CHRNB3: variants seen among roughly 807,000 people sequenced by gnomAD.
CHRNB3 encodes the protein cholinergic receptor nicotinic beta 3 subunit.
In CHRNB3, 37 loss-of-function variants were observed where a neutral mutation model predicts 40.6. The observed-to-expected ratio is 0.91, with a 90% confidence interval of 0.70 to 1.20. The LOEUF is 1.20. CHRNB3 is among the 50% of genes most tolerant of loss of function. The pLI, the probability that CHRNB3 is intolerant of heterozygous loss-of-function variation, is 0.00. For missense variants in CHRNB3, 505 were observed against 551.2 expected (o/e 0.92, Z 0.84); for synonymous variants, 207 against 207.1 (o/e 1.00, Z 0.00).
chr8:42,732,037 T>G lies in CHRNB3; in HGVS notation c.730T>G (p.Cys244Gly), dbSNP rs1816434784. ...CTATACCCTCTTTCTCATCATCCCC[T>G]GCCTGGGGCTGTCTTTCCTAACAGT... ...LFYTLFLIIP[C>G]LGLSFLTVLV... The change falls in exon 5 of 6, where the codon TGC becomes GGC. Residue 244 changes from cysteine (C) to glycine (G), a missense_variant. Transcript: ENST00000289957. 6.2e-7 allele frequency: 1 copy of G among 1,614,036 alleles called. No homozygotes were observed. Among genetic ancestry groups the G allele is most frequent in the South Asian group, 1.1e-5 (1 of 91,080 alleles).
At chr8:42,728,746 A>G (rs1241573578) in intron 3 of CHRNB3, among the ~76,000 whole-genome samples, 1 of 152,156 alleles carries the variant, frequency 6.6e-6, no homozygotes, top group Non-Finnish European at 1.5e-5. Flanking sequence ...ATTTTGGGCA[A>G]AAAAACTGTT....
At chr8:42,720,691 T>A (rs542206212) in intron 3 of CHRNB3, among the ~76,000 whole-genome samples, 17 of 152,262 alleles carry the variant, frequency 1.1e-4, no homozygotes, top group African/African-American at 4.1e-4. Context: ...ACTATCTCTG[T>A]TTTATCTCTG....
intron 1 of CHRNB3, among the ~76,000 whole-genome samples, chr8:42,702,584 G>A (rs1200857380): frequency 6.6e-6 from 1 of 152,074 alleles, no homozygotes; most frequent in Admixed American, 6.6e-5. Flanking sequence ...CCAACATATT[G>A]AAACCCTGTC....
At chr8:42,721,101 C>T (rs557072721) in intron 3 of CHRNB3, among the ~76,000 whole-genome samples, 2 of 152,348 alleles carry the variant, frequency 1.3e-5, no homozygotes, top group Admixed American at 6.5e-5. Flanking sequence ...GTGCCTGTCC[C>T]CAGTGCTCTT....
At chr8:42,713,362 A>G (rs1464363480) in intron 3 of CHRNB3, among the ~76,000 whole-genome samples, 1 of 152,036 alleles carries the variant, frequency 6.6e-6, no homozygotes, top group Non-Finnish European at 1.5e-5. Context: ...CCAGAATCCC[A>G]GAAGACTGGT....
At chr8:42,709,496 A>C (rs1302812437) in intron 2 of CHRNB3, among the ~76,000 whole-genome samples, 1 of 152,162 alleles carries the variant, frequency 6.6e-6, no homozygotes, top group Non-Finnish European at 1.5e-5. Context: ...TATGTTGTCC[A>C]TATTCTCCAC....
At chr8:42,705,801 A>G (rs951641065) in intron 1 of CHRNB3, 3 of 152,222 alleles carry the variant, frequency 2.0e-5, no homozygotes, top group Non-Finnish European at 4.4e-5. Flanking sequence ...CTCTTGAGCA[A>G]TTCACCTCTG....
chr8:42,718,242 A>C (rs576899797), intron 3 of CHRNB3, among the ~76,000 whole-genome samples: 9 of 152,140 alleles, frequency 5.9e-5, no homozygotes, highest in Non-Finnish European at 1.0e-4. Flanking sequence ...ATGAATCAAC[A>C]AGAATTTGGC....
intron 3 of CHRNB3, among the ~76,000 whole-genome samples, chr8:42,712,859 C>CT (rs567650103): frequency 0.55 from 62,596 of 114,714 alleles, 20,918 homozygotes; most frequent in East Asian, 0.8. Context: ...CCACTGCTCT[C>CT]TTTTTTTTTT....
Position 42,732,086 on chromosome 8 carries a change from A to G in CHRNB3, c.779A>G (p.Asp260Gly). Reference sequence around the variant, plus strand: ...GTTCTTGTGTTCTATTTACCTTCGGATGAAGGAGAAAAACTTTCATTATCC... The same window carrying G: ...GTTCTTGTGTTCTATTTACCTTCGGGTGAAGGAGAAAAACTTTCATTATCC... Reference protein sequence around the residue: ...LTVLVFYLPSDEGEKLSLSTS... With the variant: ...LTVLVFYLPSGEGEKLSLSTS... The change falls in exon 5 of 6, where the codon GAT (aspartate) becomes GGT (glycine). Residue 260 changes from aspartate (D) to glycine (G), a missense_variant. Asp to Gly is a moderately conservative substitution (Grantham distance 94). Transcript: ENST00000289957. 6.2e-7 allele frequency: 1 copy of G among 1,613,894 alleles called. No homozygotes were observed. Among genetic ancestry groups the G allele is most frequent in the South Asian group, 1.1e-5 (1 of 91,064 alleles).
At chr8:42,731,579 A>G in intron 4 of CHRNB3, 88 bp from the exon 5 acceptor site, 1 of 1,376,862 alleles carries the variant, frequency 7.3e-7, no homozygotes, top group South Asian at 1.5e-5. Context: ...AAGAAAAGTC[A>G]TAAAACAGAA....
chr8:42,736,307 C>A (rs1816522001), intron 5 of CHRNB3, among the ~76,000 whole-genome samples, 177 bp from the exon 6 acceptor site: 1 of 152,176 alleles, frequency 6.6e-6, no homozygotes, highest in African/African-American at 2.4e-5. Context: ...CTTTTGGGCA[C>A]AATTAGCGAA....
chr8:42,708,584 T>C (rs1036988950), intron 1 of CHRNB3, 133 bp from the exon 2 acceptor site: 11 of 950,744 alleles, frequency 1.2e-5, no homozygotes, highest in African/African-American at 1.7e-5. Flanking sequence ...CCAAGTTGCC[T>C]TTCAGGAACT....
chr8:42,700,963 G>A (rs1263332996), intron 1 of CHRNB3, among the ~76,000 whole-genome samples: 2 of 151,938 alleles, frequency 1.3e-5, no homozygotes, highest in African/African-American at 2.4e-5. Flanking sequence ...CGGGTGTGGG[G>A]CTTACGTCTG....
intron 3 of CHRNB3, chr8:42,725,465 T>C (rs1197747796): frequency 1.5e-6 from 1 of 646,876 alleles, no homozygotes; most frequent in African/African-American, 1.8e-5. Context: ...CTGAAGATAC[T>C]TGATAAAAAT....
intron 3 of CHRNB3, among the ~76,000 whole-genome samples, chr8:42,719,502 C>T (rs1384887238): frequency 6.6e-6 from 1 of 152,098 alleles, no homozygotes; most frequent in Admixed American, 6.6e-5. Flanking sequence ...GAAAAATTAG[C>T]CAGGCATGGT....
At chr8:42,701,447 G>A (rs2128904134) in intron 1 of CHRNB3, among the ~76,000 whole-genome samples, 1 of 152,034 alleles carries the variant, frequency 6.6e-6, no homozygotes, top group South Asian at 2.1e-4. Context: ...GGGAGGCTGA[G>A]GCAGGACGAT....
chr8:42,698,113 CTA>C (rs555904697), intron 1 of CHRNB3, among the ~76,000 whole-genome samples: 2 of 151,934 alleles, frequency 1.3e-5, no homozygotes, highest in Admixed American at 6.6e-5. Flanking sequence ...TATCAAAACT[CTA>C]TGTGTTTTAT....
At chr8:42,708,506 G>A (rs1815957679) in intron 1 of CHRNB3, among the ~76,000 whole-genome samples, 1 of 111,236 alleles carries the variant, frequency 9.0e-6, no homozygotes, top group South Asian at 3.2e-4. Flanking sequence ...CAAACAAAAT[G>A]TGGATTCTGT....
Sources: gnomAD v4.1 joint callset for allele counts (sites outside exome capture counted in the v4.1 genomes callset) on GRCh38, gnomAD v4.1.1 for gene constraint, MANE v1.5 for transcripts, NCBI Gene and HGNC (gene_info 2026-07-23, HGNC 2026-07-21) for gene names.